Variants in SKA2 observed in about 807,000 individuals in gnomAD.
SKA2 encodes spindle and kinetochore associated complex subunit 2, also known as spindle and kinetochore-associated protein 2.
SKA2 carries 13 observed loss-of-function variants against 16.9 expected under a neutral mutation model. The ratio of observed to expected loss-of-function variants is 0.77; its 90% CI spans 0.50 to 1.22. The LOEUF (loss-of-function observed/expected upper bound fraction) is 1.22. Ranked by LOEUF, SKA2 falls within the 50% of genes most tolerant of loss-of-function variation. The probability of loss-of-function intolerance (pLI) is 0.00; values close to 1 mark genes in which losing one functional copy is unlikely to be tolerated. For missense variants in SKA2, 107 were observed against 139.7 expected, an observed-to-expected ratio of 0.77 and a Z score of 1.18; for synonymous variants, 47 against 48.5, an observed-to-expected ratio of 0.97 and a Z score of 0.13.
intron 1 of SKA2, among the ~76,000 whole-genome samples, chr17:59,143,302 C>T (rs1478617572): frequency 4.7e-5 from 7 of 149,182 alleles, no homozygotes; most frequent in Admixed American, 4.7e-4. Context: ...TTCCCAGGTT[C>T]AAGCAATTCT....
intron 1 of SKA2, among the ~76,000 whole-genome samples, chr17:59,136,928 T>G (rs1027179662): frequency 6.6e-6 from 1 of 152,240 alleles, no homozygotes; most frequent in African/African-American, 2.4e-5. Context: ...CTAGTTCTAT[T>G]TCCATTACTG....
At chr17:59,140,350 T>A (rs1300038198) in intron 1 of SKA2, among the ~76,000 whole-genome samples, 1 of 151,992 alleles carries the variant, frequency 6.6e-6, no homozygotes, top group East Asian at 1.9e-4. Context: ...TGCCTCAGCC[T>A]CCCGAGTAGC....
chr17:59,116,550 A>C (rs1251353585), intron 3 of SKA2, among the ~76,000 whole-genome samples: 1 of 151,954 alleles, frequency 6.6e-6, no homozygotes, highest in African/African-American at 2.4e-5. Flanking sequence ...TTATCAATTC[A>C]GGTGTTCTTT....
At chr17:59,150,120 C>T (rs1327078420) in intron 1 of SKA2, among the ~76,000 whole-genome samples, 1 of 152,148 alleles carries the variant, frequency 6.6e-6, no homozygotes, top group African/African-American at 2.4e-5. Flanking sequence ...GTTCACTGGG[C>T]ATGCCACACC....
rs573476932 is a variant in SKA2, at chr17:59,123,467, G to A, written c.121-3972C>T. Among the ~76,000 whole-genome samples, 1,005 of 151,218 alleles carry A rather than the reference G, an allele frequency of 6.6e-3. 9 individuals are homozygous for A. Among genetic ancestry groups the A allele is most frequent in the African/African-American group, 0.023 (940 of 41,150 alleles). The stretch of plus-strand genomic sequence containing the variant: ...AGCTACTCAGGAGGCTGAGGCAGGA[G>A]AATCGCTTGAACCTGGGAGGCGGAG... On this transcript the variant is annotated intron_variant, in intron 2 of 3. Coordinates refer to ENST00000330137, the MANE Select transcript of SKA2 (RefSeq NM_182620.4).
intron 2 of SKA2, among the ~76,000 whole-genome samples, chr17:59,126,680 T>C (rs1651267978): frequency 1.3e-5 from 2 of 152,342 alleles, no homozygotes; most frequent in East Asian, 1.9e-4. Flanking sequence ...CTTGAAGTTA[T>C]TGAATATTAC....
intron 1 of SKA2, among the ~76,000 whole-genome samples, chr17:59,138,861 G>A (rs534380381): frequency 3.3e-5 from 5 of 152,228 alleles, no homozygotes; most frequent in African/African-American, 1.2e-4. Flanking sequence ...ATACTGTGTG[G>A]TCCTCAGTTT....
At chr17:59,119,544 T>G (rs769836533) in intron 2 of SKA2, 49 bp from the exon 3 acceptor site, 35 of 1,529,986 alleles carry the variant, frequency 2.3e-5, no homozygotes, top group South Asian at 8.0e-5. Context: ...AAGATTAAAC[T>G]TTTTAAGAAT....
intron 1 of SKA2, among the ~76,000 whole-genome samples, chr17:59,141,581 A>C (rs1218644219): frequency 6.6e-6 from 1 of 151,062 alleles, no homozygotes; most frequent in Non-Finnish European, 1.5e-5. Context: ...AAAATACAAA[A>C]ACTAGCCAGT....
intron 2 of SKA2, among the ~76,000 whole-genome samples, chr17:59,128,146 C>T (rs1014558041): frequency 2.0e-5 from 3 of 151,102 alleles, no homozygotes; most frequent in Non-Finnish European, 4.4e-5. Flanking sequence ...ACCCAGGAGG[C>T]GGAGGTTGCA....
chr17:59,143,613 A>T (rs1445155976), intron 1 of SKA2, among the ~76,000 whole-genome samples: 1 of 151,938 alleles, frequency 6.6e-6, no homozygotes, highest in African/African-American at 2.4e-5. Flanking sequence ...ACCTCAGGTG[A>T]TCTGCCCACC....
At chr17:59,121,151 C>CAAAAAAAAAA (rs71145525) in intron 2 of SKA2, among the ~76,000 whole-genome samples, 1 of 99,708 alleles carries the variant, frequency 1.0e-5, no homozygotes, top group Non-Finnish European at 2.0e-5. Context: ...GACTCCGTCT[C>CAAAAAAAAAA]AAAAAAAAAA....
At chr17:59,152,374 G>C (rs542014630) in intron 1 of SKA2, among the ~76,000 whole-genome samples, 1 of 152,228 alleles carries the variant, frequency 6.6e-6, no homozygotes, top group Admixed American at 6.5e-5. Flanking sequence ...AAGGACAGCT[G>C]AAATATAAGT....
intron 2 of SKA2, chr17:59,129,358 T>TACACACATACACAC: frequency 7.3e-6 from 1 of 136,892 alleles, no homozygotes; most frequent in African/African-American, 2.8e-5. Context: ...TAAACACACA[T>TACACACATACACAC]ACACACACAC....
intron 1 of SKA2, among the ~76,000 whole-genome samples, chr17:59,154,734 C>T (rs1038570407): frequency 6.6e-5 from 10 of 152,222 alleles, no homozygotes; most frequent in African/African-American, 2.4e-4. Flanking sequence ...CCCCACCCTC[C>T]GTTCCCCTTT....
At chr17:59,155,028 C>T in intron 1 of SKA2, 103 bp downstream of exon 1, 1 of 1,614,030 alleles carries the variant, frequency 6.2e-7, no homozygotes. Flanking sequence ...TCTGGTCCAG[C>T]CTCCGCCGCC....
At chr17:59,122,390 C>A (rs576778761) in intron 2 of SKA2, among the ~76,000 whole-genome samples, 2 of 152,248 alleles carry the variant, frequency 1.3e-5, no homozygotes, top group East Asian at 3.9e-4. Context: ...AGGGGCAGAT[C>A]ACTTGAGGTC....
chr17:59,115,246 G>A lies in SKA2; in HGVS notation c.298-2901C>T, dbSNP rs554695346. Among the ~76,000 whole-genome samples, 37 of 151,794 alleles carry A rather than the reference G, an allele frequency of 2.4e-4. No homozygotes were observed. The South Asian group carries it at 6.4e-3, about 26-fold the overall frequency. ...TTTTTTGTATTTCTTTAGTAGAGAC[G>A]GGGGTTTCACCGTGTTGGCCAGGCT... On this transcript the variant is annotated intron_variant, in intron 3 of 3. Coordinates refer to ENST00000330137, the MANE Select transcript of SKA2 (RefSeq NM_182620.4).
intron 3 of SKA2, among the ~76,000 whole-genome samples, chr17:59,118,608 A>G (rs1216486293): frequency 6.6e-6 from 1 of 152,076 alleles, no homozygotes; most frequent in South Asian, 2.1e-4. Context: ...TTTGCATTTA[A>G]TTTACTAGCA....
Sources: allele counts gnomAD v4.1 joint callset (sites outside exome capture counted in the v4.1 genomes callset), GRCh38; gene constraint gnomAD v4.1.1; transcripts MANE v1.5; gene names NCBI Gene and HGNC (gene_info 2026-07-23, HGNC 2026-07-21).